Variants in HACL2 observed in about 807,000 individuals in gnomAD.
HACL2 encodes 2-hydroxyacyl-CoA lyase 2, also known as 2-hydroxyacyl-CoA lyase 1 like.
the HACL2 span, chr19:15,116,325 C>A: frequency 5.0e-6 from 8 of 1,613,972 alleles, no homozygotes; most frequent in Non-Finnish European, 5.9e-6. Context: ...CTTCTCCCTG[C>A]GACAGGACAG....
chr19:15,117,944 G>A, the HACL2 span: 22 of 1,614,162 alleles, frequency 1.4e-5, no homozygotes, highest in South Asian at 3.3e-5. Context: ...TCCCGATTAC[G>A]ATTGACGATG....
the HACL2 span, among the ~76,000 whole-genome samples, chr19:15,121,921 G>A: frequency 9.6e-5 from 14 of 146,162 alleles, no homozygotes; most frequent in South Asian, 2.2e-3. Flanking sequence ...TTTTTGAGAC[G>A]GAGTCTTGCT....
At chr19:15,123,116 C>G in the HACL2 span, 1 of 1,613,558 alleles carries the variant, frequency 6.2e-7, no homozygotes, top group African/African-American at 1.3e-5. The surrounding 1 kb of genome is among the most constrained non-coding windows in gnomAD (Gnocchi z 5.1). Flanking sequence ...GACTGGGTAC[C>G]TGCAGCAGAG....
the HACL2 span, chr19:15,123,437 A>G: frequency 2.5e-6 from 4 of 1,614,142 alleles, no homozygotes; most frequent in South Asian, 4.4e-5. The surrounding 1 kb of genome is among the most constrained non-coding windows in gnomAD (Gnocchi z 5.1). Context: ...TGTGTCCACC[A>G]CACGGATGCC....
chr19:15,117,086 T>C, the HACL2 span: 3 of 164,668 alleles, frequency 1.8e-5, no homozygotes, highest in Non-Finnish European at 3.9e-5. Flanking sequence ...CTGCCGTCCA[T>C]GGCTGCTGAG....
the HACL2 span, chr19:15,124,950 C>A: frequency 6.2e-7 from 1 of 1,607,964 alleles, no homozygotes; most frequent in Non-Finnish European, 8.5e-7. Context: ...ATAGAAGAGC[C>A]CCAGGCGGTG....
the HACL2 span, among the ~76,000 whole-genome samples, chr19:15,119,012 T>A: frequency 6.6e-6 from 1 of 152,232 alleles, no homozygotes; most frequent in African/African-American, 2.4e-5. Flanking sequence ...GATACACCTA[T>A]TATGCGTCTG....
chr19:15,116,387 T>C, the HACL2 span: 3 of 1,613,740 alleles, frequency 1.9e-6, no homozygotes, highest in Non-Finnish European at 2.5e-6. Flanking sequence ...CCTTCCCACA[T>C]CCACTCCACC....
chr19:15,119,508 C>T, the HACL2 span: 2,735 of 1,613,630 alleles, frequency 1.7e-3, 2 homozygotes, highest in Non-Finnish European at 2.2e-3. Context: ...CTCCACACAG[C>T]GCTGAACCTG....
At chr19:15,120,322 G>A in the HACL2 span, among the ~76,000 whole-genome samples, 5 of 152,268 alleles carry the variant, frequency 3.3e-5, no homozygotes, top group South Asian at 2.1e-4. Context: ...AGCAAGGAAC[G>A]CAGGCTCAGC....
At chr19:15,117,661 A>G in the HACL2 span, 6 of 459,018 alleles carry the variant, frequency 1.3e-5, no homozygotes, top group Non-Finnish European at 2.4e-5. Context: ...CCTGGGTGAC[A>G]GAGCGAGACC....
the HACL2 span, chr19:15,123,331 CCCA>C: frequency 1.2e-6 from 2 of 1,606,654 alleles, no homozygotes; most frequent in Non-Finnish European, 1.7e-6. This position sits in a 1 kb window ranked among gnomAD's most constrained non-coding sequence, Gnocchi z 5.1. Flanking sequence ...GACACTCTAG[CCCA>C]CAGTCCAACC....
At chr19:15,115,019 T>C in the HACL2 span, 2 of 598,134 alleles carry the variant, frequency 3.3e-6, no homozygotes, top group Non-Finnish European at 6.0e-6. Context: ...AGGTGGTTTA[T>C]TCAGTCTCCA....
At chr19:15,116,427 G>T in the HACL2 span, 1 of 1,613,976 alleles carries the variant, frequency 6.2e-7, no homozygotes. Flanking sequence ...TGCTCCTTCT[G>T]CCGGTCGGCT....
chr19:15,119,452 C>G, the HACL2 span: 2 of 1,614,154 alleles, frequency 1.2e-6, no homozygotes, highest in Non-Finnish European at 1.7e-6. Flanking sequence ...GTGAGCAGGG[C>G]CTGACTCCCC....
At chr19:15,117,225 A>G in the HACL2 span, 1 of 153,492 alleles carries the variant, frequency 6.5e-6, no homozygotes, top group African/African-American at 2.4e-5. Flanking sequence ...GGGGACTAAA[A>G]TAAGGGGAGG....
At chr19:15,114,994 G>A in the HACL2 span, 1 of 574,470 alleles carries the variant, frequency 1.7e-6, no homozygotes, top group East Asian at 2.9e-5. Flanking sequence ...GAGTACTTGG[G>A]CCTACATGGG....
chr19:15,124,702 G>C, the HACL2 span: 1 of 564,112 alleles, frequency 1.8e-6, no homozygotes, highest in Non-Finnish European at 3.0e-6. Context: ...CGAGTGCCCC[G>C]GCAGCGGCAG....
At chr19:15,119,586 T>C in the HACL2 span, 3 of 1,339,182 alleles carry the variant, frequency 2.2e-6, no homozygotes, top group South Asian at 2.6e-5. Context: ...AGTTTCACTC[T>C]GTTGCCCAGG....
Sources: allele counts gnomAD v4.1 joint callset (sites outside exome capture counted in the v4.1 genomes callset), GRCh38; gene constraint gnomAD v4.1.1; non-coding constraint Gnocchi (gnomAD v3.1); transcripts MANE v1.5; gene names NCBI Gene and HGNC (gene_info 2026-07-23, HGNC 2026-07-21).